The following PCDH11X variants were observed in gnomAD, a reference collection of about 807,000 sequenced individuals.
PCDH11X encodes the protein protocadherin 11 X-linked.
A neutral mutation model predicts 53.3 loss-of-function variants in PCDH11X; 18 were observed. The ratio of observed to expected loss-of-function variants is 0.34; its 90% CI spans 0.23 to 0.50. PCDH11X has a LOEUF of 0.50. Among genes scored for constraint, PCDH11X ranks in the 20% least tolerant of loss-of-function variants. The pLI, the probability that PCDH11X is intolerant of heterozygous loss-of-function variation, is 0.98. For synonymous variants in PCDH11X, 279 were observed against 393.3 expected (o/e 0.71, Z 3.44); for missense variants, 570 against 1,032.4 (o/e 0.55, Z 6.14).
intron 8 of PCDH11X, among the ~76,000 whole-genome samples, chrX:92,294,411 G>A (rs1336076135): frequency 8.9e-6 from 1 of 111,886 alleles, no homozygotes; most frequent in Admixed American, 9.5e-5. Context: ...CCAAATTGCT[G>A]GGATTACAGG....
intron 6 of PCDH11X, among the ~76,000 whole-genome samples, chrX:92,041,139 C>T (rs1414355917): frequency 9.5e-6 from 1 of 104,803 alleles, no homozygotes; most frequent in Non-Finnish European, 1.9e-5. Context: ...TCTTTTCCAC[C>T]TACTTTGAAT....
At chrX:91,801,561 T>A (rs1168366234) in intron 1 of PCDH11X, among the ~76,000 whole-genome samples, 1 of 112,275 alleles carries the variant, frequency 8.9e-6, no homozygotes, top group African/African-American at 3.2e-5. Context: ...TGGAGTGATA[T>A]AAACACTTTA....
At chrX:92,100,636 A>T (rs1250101678) in intron 6 of PCDH11X, among the ~76,000 whole-genome samples, 4 of 111,251 alleles carry the variant, frequency 3.6e-5, no homozygotes, top group African/African-American at 6.6e-5. Context: ...ATCTGGTCGT[A>T]TCCGTGCAAG....
intron 6 of PCDH11X, among the ~76,000 whole-genome samples, chrX:92,068,650 C>T (rs1378370816): frequency 9.1e-6 from 1 of 109,456 alleles, no homozygotes; most frequent in East Asian, 2.9e-4. Context: ...AGTGATTTTC[C>T]AGCCTCCGTC....
At chrX:92,019,185 G>A (rs2525149) in intron 6 of PCDH11X, among the ~76,000 whole-genome samples, 26,647 of 104,803 alleles carry the variant, frequency 0.25, 4,036 homozygotes, top group African/African-American at 0.5. Context: ...CTTGGCCCCC[G>A]GTGACCCCAG....
intron 6 of PCDH11X, among the ~76,000 whole-genome samples, chrX:91,986,633 T>C (rs1323445079): frequency 9.1e-6 from 1 of 109,546 alleles, no homozygotes; most frequent in Non-Finnish European, 1.9e-5. Flanking sequence ...CCTTGGCTCA[T>C]GTCTCTTCCT....
At chrX:92,276,946 G>A (rs1201943106) in intron 8 of PCDH11X, among the ~76,000 whole-genome samples, 1 of 111,251 alleles carries the variant, frequency 9.0e-6, no homozygotes, top group Admixed American at 9.6e-5. Flanking sequence ...CTATGCCTTT[G>A]GCTCCAGCCA....
intron 7 of PCDH11X, among the ~76,000 whole-genome samples, chrX:92,235,242 A>G (rs1354927910): frequency 9.0e-6 from 1 of 111,341 alleles, no homozygotes; most frequent in Non-Finnish European, 1.9e-5. Flanking sequence ...TTGTATTCTT[A>G]GATTTTAAAA....
At chrX:92,220,430 C>CA (rs1234384735) in intron 7 of PCDH11X, among the ~76,000 whole-genome samples, 3 of 104,167 alleles carry the variant, frequency 2.9e-5, no homozygotes, top group Admixed American at 1.1e-4. Flanking sequence ...TTTATGCAGC[C>CA]AAAAAACACA....
chrX:92,096,720 A>G (rs780042284), intron 6 of PCDH11X, among the ~76,000 whole-genome samples: 2 of 110,346 alleles, frequency 1.8e-5, no homozygotes, highest in Non-Finnish European at 3.8e-5. Context: ...AAACCATCAG[A>G]TCTCATGAGA....
chrX:91,824,170 G>A (rs777933658), intron 4 of PCDH11X, among the ~76,000 whole-genome samples: 84 of 110,742 alleles, frequency 7.6e-4, no homozygotes, highest in African/African-American at 2.4e-3. Context: ...TGCTCTTCTC[G>A]AGGAGTATCT....
At chrX:92,315,472 G>C (rs2069053820) in intron 8 of PCDH11X, among the ~76,000 whole-genome samples, 1 of 111,305 alleles carries the variant, frequency 9.0e-6, no homozygotes, top group African/African-American at 3.3e-5. Flanking sequence ...CACTTCTCTG[G>C]CCTCAGAAAA....
intron 1 of PCDH11X, among the ~76,000 whole-genome samples, chrX:91,791,834 A>T (rs1935553375): frequency 9.8e-6 from 1 of 101,652 alleles, no homozygotes. Flanking sequence ...TAGAAATATC[A>T]GTTCTATGAA....
At chrX:92,013,160 G>A (rs917167462) in intron 6 of PCDH11X, among the ~76,000 whole-genome samples, 107 of 111,644 alleles carry the variant, frequency 9.6e-4, no homozygotes, top group Non-Finnish European at 1.7e-3. Flanking sequence ...ATCTCCTTAA[G>A]CTGATAAGGC....
chrX:92,265,133 G>A (rs764526614), intron 8 of PCDH11X, among the ~76,000 whole-genome samples: 2 of 109,332 alleles, frequency 1.8e-5, no homozygotes, highest in South Asian at 4.1e-4. Flanking sequence ...TGGCACGATG[G>A]ATCACAGCTC....
chrX:92,514,599 C>T (rs1389587154), intron 10 of PCDH11X, among the ~76,000 whole-genome samples: 1 of 105,278 alleles, frequency 9.5e-6, no homozygotes, highest in Non-Finnish European at 1.9e-5. Context: ...GGTGTGGTGG[C>T]GTGCACCTGT....
At chrX:92,588,230 A>AT (rs1400846964) in intron 10 of PCDH11X, among the ~76,000 whole-genome samples, 2 of 92,496 alleles carry the variant, frequency 2.2e-5, no homozygotes, top group African/African-American at 8.0e-5. Flanking sequence ...TGTACTAAAA[A>AT]ATATATATTT....
At chrX:92,446,773 G>T (rs2072659355) in intron 9 of PCDH11X, among the ~76,000 whole-genome samples, 1 of 111,768 alleles carries the variant, frequency 8.9e-6, no homozygotes, top group Non-Finnish European at 1.9e-5. Flanking sequence ...TGACTTTCGA[G>T]CTGGGTAACA....
chrX:92,491,864 GA>G (rs2073773519), intron 10 of PCDH11X, among the ~76,000 whole-genome samples: 1 of 111,146 alleles, frequency 9.0e-6, no homozygotes, highest in Admixed American at 9.6e-5. Context: ...TTTCACTTAG[GA>G]TAATGTCCTC....
Sources: allele counts gnomAD v4.1 joint callset (sites outside exome capture counted in the v4.1 genomes callset), GRCh38; gene constraint gnomAD v4.1.1; transcripts MANE v1.5; gene names NCBI Gene and HGNC (gene_info 2026-07-23, HGNC 2026-07-21).